SHISA9: variants seen among roughly 807,000 people sequenced by gnomAD.
The protein encoded by SHISA9 is protein shisa-9.
SHISA9 carries 13 observed loss-of-function variants against 38.0 expected under a neutral mutation model. That is an observed-to-expected ratio of 0.34 (90% CI 0.22 to 0.54). The LOEUF is 0.54. Among genes scored for constraint, SHISA9 ranks in the 20% least tolerant of loss-of-function variants. SHISA9 has a pLI of 0.91. For missense variants in SHISA9, 538 were observed against 575.8 expected (o/e 0.93, Z 0.67); for synonymous variants, 275 against 242.0 (o/e 1.14, Z -1.27).
At chr16:13,119,013 T>C (rs944515783) in intron 2 of SHISA9, among the ~76,000 whole-genome samples, 2 of 152,042 alleles carry the variant, frequency 1.3e-5, no homozygotes, top group African/African-American at 4.8e-5. Flanking sequence ...ATTATAGGCA[T>C]GAGCCACCGT....
chr16:12,904,976 C>T (rs2071073160), intron 1 of SHISA9, among the ~76,000 whole-genome samples: 2 of 152,128 alleles, frequency 1.3e-5, no homozygotes, highest in African/African-American at 4.8e-5. Context: ...CCTCAGCCTC[C>T]CAAAGTGCTA....
chr16:12,922,591 C>G (rs928892550), intron 2 of SHISA9, among the ~76,000 whole-genome samples: 21 of 152,248 alleles, frequency 1.4e-4, no homozygotes, highest in African/African-American at 5.1e-4. Context: ...ACGATCTTGG[C>G]TCATTGCGAC....
At chr16:12,959,836 A>G (rs1299601353) in intron 2 of SHISA9, among the ~76,000 whole-genome samples, 1 of 152,178 alleles carries the variant, frequency 6.6e-6, no homozygotes, top group Non-Finnish European at 1.5e-5. Context: ...TTCAGCCAAC[A>G]GTTTCCGCAC....
At chr16:13,266,414 C>CT in the SHISA9 span, among the ~76,000 whole-genome samples, 12,733 of 152,230 alleles carry the variant, frequency 0.084, 593 homozygotes, top group South Asian at 0.18. Flanking sequence ...CTCTCTGTCT[C>CT]TAAGAGCCTG....
intron 2 of SHISA9, among the ~76,000 whole-genome samples, chr16:13,019,618 T>A (rs908234998): frequency 1.3e-5 from 2 of 152,110 alleles, no homozygotes; most frequent in Non-Finnish European, 2.9e-5. Flanking sequence ...GTCTTTTTTT[T>A]AAACTTTTAA....
At chr16:12,970,438 T>TGC (rs2072056499) in intron 2 of SHISA9, among the ~76,000 whole-genome samples, 6 of 54,770 alleles carry the variant, frequency 1.1e-4, no homozygotes, top group East Asian at 3.3e-4. Flanking sequence ...TATATATATA[T>TGC]ACACACATAT....
At chr16:13,243,520 A>T (rs909603588), downstream of SHISA9, among the ~76,000 whole-genome samples, 8 of 152,140 alleles carry the variant, frequency 5.3e-5, no homozygotes, top group African/African-American at 1.4e-4. Flanking sequence ...AAGACCTGGG[A>T]TCAATAGAAA....
At chr16:13,367,660 G>GGGA in the SHISA9 span, among the ~76,000 whole-genome samples, 104 of 147,410 alleles carry the variant, frequency 7.1e-4, 3 homozygotes, top group African/African-American at 2.3e-3. Flanking sequence ...ATGCGGGGGG[G>GGGA]AATGAAGATG....
chr16:13,299,021 G>A, the SHISA9 span, among the ~76,000 whole-genome samples: 1 of 152,192 alleles, frequency 6.6e-6, no homozygotes, highest in African/African-American at 2.4e-5. Flanking sequence ...CCTCAGAGCT[G>A]CAAGGATAAG....
chr16:13,342,686 C>T, the SHISA9 span, among the ~76,000 whole-genome samples: 2 of 152,158 alleles, frequency 1.3e-5, no homozygotes, highest in South Asian at 4.1e-4. Flanking sequence ...CCGTTTACAC[C>T]ATCACTTTCC....
At chr16:13,051,971 G>T (rs1314721760) in intron 2 of SHISA9, among the ~76,000 whole-genome samples, 1 of 152,050 alleles carries the variant, frequency 6.6e-6, no homozygotes, top group Non-Finnish European at 1.5e-5. Context: ...CACCATGTTG[G>T]CCAGGCTGGT....
chr16:12,931,024 C>T (rs1044382602), intron 2 of SHISA9, among the ~76,000 whole-genome samples: 2 of 152,160 alleles, frequency 1.3e-5, no homozygotes, highest in Non-Finnish European at 1.5e-5. Flanking sequence ...ATAATCCCCA[C>T]CCCTGGAGCA....
At chr16:13,335,724 GC>G in the SHISA9 span, among the ~76,000 whole-genome samples, 1 of 152,226 alleles carries the variant, frequency 6.6e-6, no homozygotes, top group East Asian at 1.9e-4. Context: ...AGCCTTTGAT[GC>G]TCTGTGTCTT....
At chr16:13,400,763 AC>A in the SHISA9 span, among the ~76,000 whole-genome samples, 1 of 152,068 alleles carries the variant, frequency 6.6e-6, no homozygotes, top group African/African-American at 2.4e-5. Context: ...GATCACATTG[AC>A]CCCCAATAAG....
rs114625565 is a variant in SHISA9, at chr16:12,919,792, G to A, written c.691+2977G>A. On this transcript the variant is annotated intron_variant, in intron 2 of 4. Coordinates refer to ENST00000558583, the MANE Select transcript of SHISA9 (RefSeq NM_001145204.3). ...CGGATGCTGTTCATGTTCTTTCCAG[G>A]CATTCAGTGATATTGCCTAAAAATA... 3.7e-3 allele frequency among the ~76,000 whole-genome samples: 561 copies of A among 152,218 alleles called. 6 individuals carry two copies. Among genetic ancestry groups the A allele is most frequent in the African/African-American group, 0.013 (550 of 41,528 alleles).
the SHISA9 span, among the ~76,000 whole-genome samples, chr16:13,300,560 A>G: frequency 6.6e-6 from 1 of 152,172 alleles, no homozygotes; most frequent in Non-Finnish European, 1.5e-5. Context: ...CTGGGCGATT[A>G]TTGAAGAACT....
chr16:13,448,575 C>T, the SHISA9 span, among the ~76,000 whole-genome samples: 1 of 152,218 alleles, frequency 6.6e-6, no homozygotes, highest in Non-Finnish European at 1.5e-5. Flanking sequence ...GTGGCCCTGC[C>T]CCAAGGCAGA....
chr16:13,508,923 C>G, the SHISA9 span, among the ~76,000 whole-genome samples: 1 of 152,100 alleles, frequency 6.6e-6, no homozygotes, highest in Non-Finnish European at 1.5e-5. Context: ...TGATTGCTAC[C>G]TGTAGAGGCA....
At chr16:13,394,767 A>G in the SHISA9 span, among the ~76,000 whole-genome samples, 1 of 152,172 alleles carries the variant, frequency 6.6e-6, no homozygotes, top group African/African-American at 2.4e-5. Flanking sequence ...TGAGATATTT[A>G]TTTGTATTTA....
Sources: gnomAD v4.1 joint callset for allele counts (sites outside exome capture counted in the v4.1 genomes callset) on GRCh38, gnomAD v4.1.1 for gene constraint, MANE v1.5 for transcripts, NCBI Gene and HGNC (gene_info 2026-07-23, HGNC 2026-07-21) for gene names.